Variants in FLNB observed in about 807,000 individuals in gnomAD.
FLNB encodes filamin B, also known as filamin-B.
A neutral mutation model predicts 250.6 loss-of-function variants in FLNB; 111 were observed. The observed-to-expected ratio is 0.44, with a 90% CI of 0.38 to 0.52. FLNB has a LOEUF of 0.52. Among genes scored for constraint, FLNB ranks in the 20% least tolerant of loss-of-function variants. FLNB has a pLI of 0.00. For missense variants in FLNB, 2,869 were observed against 3,447.8 expected (o/e 0.83, Z 4.20); for synonymous variants, 1,302 against 1,372.1 (o/e 0.95, Z 1.13).
At chr3:58,061,775 T>G (rs2097178945) in intron 1 of FLNB, among the ~76,000 whole-genome samples, 2 of 147,298 alleles carry the variant, frequency 1.4e-5, no homozygotes, top group South Asian at 4.3e-4. Context: ...AAGTAACATA[T>G]GTAGTTTAAA....
intron 11 of FLNB, 145 bp from the exon 12 acceptor site, chr3:58,106,535 G>A: frequency 1.4e-6 from 1 of 730,586 alleles, no homozygotes; most frequent in African/African-American, 1.8e-5. Flanking sequence ...AATGAGCTTG[G>A]TTTTGGAAGA....
chr3:58,061,444 G>A (rs1047315641), intron 1 of FLNB, among the ~76,000 whole-genome samples: 1 of 152,112 alleles, frequency 6.6e-6, no homozygotes, highest in South Asian at 2.1e-4. Flanking sequence ...AGTAACAGAT[G>A]GGTAGGGCAT....
chr3:58,123,882 G>A (rs1357443697), intron 21 of FLNB, among the ~76,000 whole-genome samples, 192 bp downstream of exon 21: 1 of 152,040 alleles, frequency 6.6e-6, no homozygotes, highest in Non-Finnish European at 1.5e-5. Flanking sequence ...GCATTTCTGG[G>A]GACCGTGCTA....
At chr3:58,118,233 A>C (rs911791920) in intron 18 of FLNB, among the ~76,000 whole-genome samples, 2 of 152,190 alleles carry the variant, frequency 1.3e-5, no homozygotes, top group South Asian at 2.1e-4. Context: ...ATTTTCTTTC[A>C]CATGGAAATG....
At chr3:58,083,974 A>G (rs2097213163) in intron 4 of FLNB, among the ~76,000 whole-genome samples, 2 of 152,072 alleles carry the variant, frequency 1.3e-5, no homozygotes, top group South Asian at 4.2e-4. Context: ...CAGGCAGATC[A>G]CAAGGTCAGA....
chr3:58,110,892 C>T (rs542358029), intron 16 of FLNB, among the ~76,000 whole-genome samples: 2 of 152,284 alleles, frequency 1.3e-5, no homozygotes, highest in African/African-American at 4.8e-5. Context: ...GTTTTACTGA[C>T]AGGGAAGTTG....
At chr3:58,081,195 CA>C (rs1576683040) in intron 3 of FLNB, among the ~76,000 whole-genome samples, 1 of 152,096 alleles carries the variant, frequency 6.6e-6, no homozygotes, top group East Asian at 1.9e-4. Flanking sequence ...AGAGTTAATA[CA>C]GATACAGACC....
chr3:58,071,269 C>T (rs555200304), intron 1 of FLNB, among the ~76,000 whole-genome samples: 4 of 138,274 alleles, frequency 2.9e-5, no homozygotes, highest in Non-Finnish European at 4.5e-5. Context: ...TATCTCTCCT[C>T]GATTCTTTTT....
Position 58,169,319 on chromosome 3 carries a change from G to GT in FLNB, c.7418-270dup, listed in dbSNP as rs2097376961. ...AATTCCACAGGCACATCTTTGGTGGGTAGGGGGTGGGGGGATTGGGAGGGT... is the reference window on the plus strand; with the variant it reads ...AATTCCACAGGCACATCTTTGGTGGGTTAGGGGGTGGGGGGATTGGGAGGGT... On this transcript the variant is annotated intron_variant, in intron 44 of 45. Coordinates refer to ENST00000295956, the MANE Select transcript of FLNB (RefSeq NM_001457.4). This position sits in a 1 kb window ranked among gnomAD's most constrained non-coding sequence, Gnocchi z 4.8. 9 of 508,498 alleles carry GT rather than the reference G, an allele frequency of 1.8e-5. No homozygotes were observed. In the East Asian group the frequency reaches 3.2e-4, roughly 18 times the overall value. The allele number at this position is 508,498 out of a possible 1,614,324, so 31.5% of individuals were successfully genotyped here.
intron 1 of FLNB, among the ~76,000 whole-genome samples, chr3:58,045,525 A>G (rs542645746): frequency 1.3e-5 from 2 of 152,330 alleles, no homozygotes; most frequent in Admixed American, 1.3e-4. Flanking sequence ...TTATGTGGCC[A>G]AGACAATTCT....
At chr3:58,067,603 T>G (rs1390124001) in intron 1 of FLNB, among the ~76,000 whole-genome samples, 7 of 55,126 alleles carry the variant, frequency 1.3e-4, no homozygotes, top group Non-Finnish European at 2.1e-4. Flanking sequence ...GTTTTTTTTT[T>G]GTTTTTTTTT....
chr3:58,143,419 C>T (rs536256557), intron 31 of FLNB, 54 bp from the exon 32 acceptor site: 1 of 1,608,174 alleles, frequency 6.2e-7, no homozygotes, highest in South Asian at 1.1e-5. Flanking sequence ...GGCTCTGCTT[C>T]TCTGGGGAAG....
chr3:58,136,555 C>T (rs935074369), intron 28 of FLNB, among the ~76,000 whole-genome samples: 15 of 152,226 alleles, frequency 9.9e-5, no homozygotes, highest in African/African-American at 3.4e-4. Context: ...AGGATTCATT[C>T]AAGAGCATTT....
At chr3:58,040,492 T>C (rs1237937804) in intron 1 of FLNB, among the ~76,000 whole-genome samples, 2 of 152,126 alleles carry the variant, frequency 1.3e-5, no homozygotes, top group Non-Finnish European at 2.9e-5. Flanking sequence ...AGGACATGGT[T>C]TCTTTTTTTT....
Position 58,142,605 on chromosome 3 carries a change from C to T in FLNB, c.5182-45C>T, listed in dbSNP as rs375126649. The T allele has an allele frequency of 8.0e-5, 121 of 1,511,180 alleles. No individual in the cohort carries two copies. The highest frequency in any genetic ancestry group is 4.9e-4 in the Admixed American group (29 of 59,714). The allele number at this position is 1,511,180 out of a possible 1,614,324, so 93.6% of individuals were successfully genotyped here. On this transcript the variant is annotated intron_variant, in intron 30 of 45. Coordinates refer to ENST00000295956, the MANE Select transcript of FLNB (RefSeq NM_001457.4). This position sits in a 1 kb window ranked among gnomAD's most constrained non-coding sequence, Gnocchi z 4.3. ...TAACCCCTGTAGCTTCACCAGCTCC[C>T]GCTGTTGTCTGCTTTACCCAGTGAC...
chr3:58,098,739 G>A lies in FLNB; in HGVS notation c.1176G>A (p.Glu392=). Residue 392 remains glutamate, a synonymous_variant, in exon 8 of 46, where the codon GAG becomes GAA. Coordinates refer to ENST00000295956, the MANE Select transcript of FLNB (RefSeq NM_001457.4). ...CTGGTGTGGGTGACATTGGTGTGGA[G>A]GTGGAAGATCCCCAGGGGAAGAACA... ...AGAGVGDIGV[E]VEDPQGKNTV... is the part of the protein sequence containing the mutation. 6.2e-7 allele frequency: 1 copy of A among 1,614,150 alleles called. No homozygotes were observed. Among genetic ancestry groups the A allele is most frequent in the South Asian group, 1.1e-5 (1 of 91,084 alleles).
chr3:58,097,174 G>A (rs2097240406), intron 6 of FLNB, among the ~76,000 whole-genome samples: 1 of 152,122 alleles, frequency 6.6e-6, no homozygotes, highest in African/African-American at 2.4e-5. Flanking sequence ...CACCACCTTG[G>A]GCTTTAGTGA....
chr3:58,137,224 A>G (rs1471292542), intron 28 of FLNB, among the ~76,000 whole-genome samples: 1 of 152,196 alleles, frequency 6.6e-6, no homozygotes, highest in African/African-American at 2.4e-5. Context: ...TTTCACGGCA[A>G]GGTTGTGAAT....
intron 32 of FLNB, among the ~76,000 whole-genome samples, chr3:58,145,210 CTG>C (rs1450197694): frequency 2.6e-5 from 4 of 152,216 alleles, no homozygotes; most frequent in Non-Finnish European, 5.9e-5. Flanking sequence ...ATGTTTCTCT[CTG>C]TATCTACAAA....
Sources: allele counts gnomAD v4.1 joint callset (sites outside exome capture counted in the v4.1 genomes callset), GRCh38; gene constraint gnomAD v4.1.1; non-coding constraint Gnocchi (gnomAD v3.1); transcripts MANE v1.5; gene names NCBI Gene and HGNC (gene_info 2026-07-23, HGNC 2026-07-21).